ADGB: variants seen among roughly 807,000 people sequenced by gnomAD.
ADGB encodes calpain-7-like protein.
Under a neutral mutation model 210.5 loss-of-function variants are expected in ADGB, and 172 were observed. The ratio of observed to expected loss-of-function variants is 0.82; its 90% CI spans 0.72 to 0.93. The LOEUF is 0.93. Among genes scored for constraint, ADGB ranks in the 40% least tolerant of loss-of-function variants. The probability of loss-of-function intolerance (pLI) is 0.00; values close to 1 mark genes in which losing one functional copy is unlikely to be tolerated. For missense variants in ADGB, 2,025 were observed against 1,964.8 expected (o/e 1.03, Z -0.58); for synonymous variants, 658 against 662.7 (o/e 0.99, Z 0.11).
At chr6:146,786,474 A>C (rs566965056) in intron 32 of ADGB, among the ~76,000 whole-genome samples, 39 of 152,274 alleles carry the variant, frequency 2.6e-4, no homozygotes, top group African/African-American at 6.3e-4. Context: ...TAAAAATAAT[A>C]TCTCTTAACT....
intron 2 of ADGB, chr6:146,638,809 A>G (rs1329209025): frequency 1.3e-5 from 2 of 151,616 alleles, no homozygotes; most frequent in African/African-American, 2.4e-5. Flanking sequence ...TATAATCTTA[A>G]TGTAACAGAA....
In ADGB at chr6:146,634,817, AC is replaced by A. The variant is rs560224661; in HGVS notation, c.75-551del. 9.1e-3 allele frequency among the ~76,000 whole-genome samples: 1,380 copies of A among 151,474 alleles called. 14 individuals carry two copies. The highest frequency in any genetic ancestry group is 0.031 in the African/African-American group (1,288 of 41,294). ...AATTAAAAAATTTTAAAAATCGACC[AC>A]CCCCCCAAATTTCCAAATATAGAAG... On this transcript the variant is annotated intron_variant, in intron 1 of 35. Transcript: ENST00000397944.
chr6:146,620,536 C>A (rs1472086724), intron 1 of ADGB, among the ~76,000 whole-genome samples: 2 of 151,910 alleles, frequency 1.3e-5, no homozygotes, highest in African/African-American at 2.4e-5. Context: ...TTCAAGCTTG[C>A]TAATTCTTTC....
intron 28 of ADGB, among the ~76,000 whole-genome samples, chr6:146,766,144 T>G (rs530468842): frequency 6.7e-6 from 1 of 149,314 alleles, no homozygotes; most frequent in Admixed American, 6.7e-5. Flanking sequence ...AGGGGGGCGG[T>G]GAGCGCAGTG....
chr6:146,799,058 C>CAAAAAAAAAAAAAA (rs71552962), intron 33 of ADGB, among the ~76,000 whole-genome samples: 3 of 63,496 alleles, frequency 4.7e-5, no homozygotes, highest in Admixed American at 2.1e-4. Flanking sequence ...TATGGAAATG[C>CAAAAAAAAAAAAAA]AAAAAAAAAA....
intron 10 of ADGB, among the ~76,000 whole-genome samples, chr6:146,686,935 T>C (rs532548199): frequency 3.9e-5 from 6 of 152,290 alleles, no homozygotes; most frequent in African/African-American, 1.2e-4. Flanking sequence ...GAATGATTAT[T>C]ATACTTTACT....
intron 29 of ADGB, among the ~76,000 whole-genome samples, chr6:146,772,851 T>C (rs577435047): frequency 2.0e-5 from 3 of 152,140 alleles, no homozygotes; most frequent in South Asian, 4.1e-4. Context: ...GTTTGTATTA[T>C]ACAAGAAAGT....
intron 35 of ADGB, among the ~76,000 whole-genome samples, chr6:146,804,744 T>C (rs1324417716): frequency 6.6e-6 from 1 of 152,236 alleles, no homozygotes; most frequent in Non-Finnish European, 1.5e-5. Context: ...ATGTGGTCTC[T>C]GCTTTGCCAC....
intron 2 of ADGB, among the ~76,000 whole-genome samples, chr6:146,642,151 T>G (rs1253294552): frequency 7.2e-5 from 11 of 151,726 alleles, no homozygotes; most frequent in Admixed American, 7.2e-4. Context: ...AACAAGCATA[T>G]GAAAAAAAGC....
chr6:146,741,210 C>A lies in ADGB; in HGVS notation c.3116C>A (p.Thr1039Lys), dbSNP rs1398077116. The stretch of plus-strand genomic sequence containing the variant: ...ATCCTACACATTGTTAATAATGACA[C>A]AATGGAGCAAGTGCCAAAGGTGTTC... ...ICILHIVNND[T>K]MEQVPKVFQK... The change falls in exon 25 of 36, where the codon ACA (threonine) becomes AAA (lysine). Residue 1039 changes from threonine to lysine, a missense_variant. Transcript: ENST00000397944. 1 of 1,551,052 alleles carries A rather than the reference C, an allele frequency of 6.4e-7. No individual in the cohort carries two copies. Among genetic ancestry groups the A allele is most frequent in the Admixed American group, 2.0e-5 (1 of 50,974 alleles).
chr6:146,672,045 A>G lies in ADGB; in HGVS notation c.840-175A>G, dbSNP rs78370154. On this transcript the variant is annotated intron_variant, in intron 7 of 35. Transcript: ENST00000397944. The stretch of plus-strand genomic sequence containing the variant: ...AAGCCCAGCACACAGTAGGCACGCA[A>G]TGAAAGCTTGTTGAATGTCTAATAC... Among the ~76,000 whole-genome samples, 298 of 152,310 alleles carry G rather than the reference A, an allele frequency of 2.0e-3. 7 individuals carry two copies. In the East Asian group the frequency reaches 0.032, roughly 16 times the overall value.
chr6:146,803,427 C>T, intron 35 of ADGB: 2 of 1,608,004 alleles, frequency 1.2e-6, no homozygotes, highest in Non-Finnish European at 8.5e-7. Context: ...CATGTCACAG[C>T]CCCCACCTTC....
At chr6:146,759,988 T>G (rs770049700) in intron 27 of ADGB, among the ~76,000 whole-genome samples, 2 of 151,910 alleles carry the variant, frequency 1.3e-5, no homozygotes, top group Non-Finnish European at 2.9e-5. Flanking sequence ...TTGTAGAGTC[T>G]CATACATTAG....
intron 33 of ADGB, among the ~76,000 whole-genome samples, chr6:146,799,571 G>A (rs571192184): frequency 6.4e-4 from 90 of 141,522 alleles, no homozygotes; most frequent in African/African-American, 2.2e-3. Flanking sequence ...AGGAAGGAAT[G>A]CAGGCAGGCA....
chr6:146,657,481 A>G (rs934579698), intron 5 of ADGB, among the ~76,000 whole-genome samples: 4 of 152,184 alleles, frequency 2.6e-5, no homozygotes, highest in Non-Finnish European at 5.9e-5. Context: ...GTAATTTGTG[A>G]TTAATGAGAA....
intron 3 of ADGB, among the ~76,000 whole-genome samples, chr6:146,651,358 C>G (rs1190263884): frequency 6.6e-6 from 1 of 152,200 alleles, no homozygotes; most frequent in Non-Finnish European, 1.5e-5. Context: ...GTAACCGACT[C>G]AAATTTGGCC....
Position 146,599,094 on chromosome 6 carries a change from C to A in ADGB, c.54C>A (p.His18Gln). The A allele has an allele frequency of 6.4e-7, 1 of 1,551,706 alleles. No homozygotes were observed. The highest frequency in any genetic ancestry group is 8.7e-7 in the Non-Finnish European group (1 of 1,146,970). The change falls in exon 1 of 36, where the codon CAC becomes CAA. Residue 18 changes from histidine (H) to glutamine (Q), a missense_variant. Physicochemically the swap from His to Gln is conservative, Grantham distance 24 (BLOSUM62 0). Coordinates refer to ENST00000397944, the MANE Select transcript of ADGB (RefSeq NM_024694.4). ...AGGTGCATCGTATCAACTCGGCGCA[C>A]GGATCGGATAAATCGAAAGAGTAAG... is the stretch of plus-strand genomic sequence containing the variant. Reference protein sequence around the residue: ...KKEVHRINSAHGSDKSKDFYP... With the variant: ...KKEVHRINSAQGSDKSKDFYP...
At chr6:146,713,223 G>T (rs1776683645) in intron 13 of ADGB, among the ~76,000 whole-genome samples, 1 of 152,148 alleles carries the variant, frequency 6.6e-6, no homozygotes, top group Admixed American at 6.6e-5. Context: ...ATGAATTTGG[G>T]TGTACACCTA....
chr6:146,799,420 G>A lies in ADGB; in HGVS notation c.4538-1763G>A, dbSNP rs542711778. Among the ~76,000 whole-genome samples, 22 of 151,906 alleles carry A rather than the reference G, an allele frequency of 1.4e-4. No homozygotes were observed. The South Asian group carries it at 4.4e-3, about 30-fold the overall frequency. The stretch of plus-strand genomic sequence containing the variant: ...GTGGTGGCACGTGCCTGTAATCCCA[G>A]CTACTTGGGAGGCTGAAGCAGGAGA... On this transcript the variant is annotated intron_variant, in intron 33 of 35. Coordinates refer to ENST00000397944, the MANE Select transcript of ADGB (RefSeq NM_024694.4).
Sources: gnomAD v4.1 joint callset for allele counts (sites outside exome capture counted in the v4.1 genomes callset) on GRCh38, gnomAD v4.1.1 for gene constraint, MANE v1.5 for transcripts, NCBI Gene and HGNC (gene_info 2026-07-23, HGNC 2026-07-21) for gene names.